The following PLEKHA6 variants were observed in gnomAD, a reference collection of about 807,000 sequenced individuals.
PLEKHA6 encodes the protein pleckstrin homology domain-containing family A member 6.
A neutral mutation model predicts 116.7 loss-of-function variants in PLEKHA6; 60 were observed. The ratio of observed to expected loss-of-function variants is 0.51; its 90% CI spans 0.42 to 0.64. The LOEUF is 0.64. PLEKHA6 is among the 30% of genes least tolerant of loss of function. The pLI is 0.00. For synonymous variants in PLEKHA6, 489 were observed against 556.1 expected (o/e 0.88, Z 1.70); for missense variants, 1,338 against 1,422.7 (o/e 0.94, Z 0.96).
intron 1 of PLEKHA6, among the ~76,000 whole-genome samples, chr1:204,340,723 G>A (rs2103312780): frequency 6.6e-6 from 1 of 152,314 alleles, no homozygotes; most frequent in Non-Finnish European, 1.5e-5. Flanking sequence ...GCCTGTGGGA[G>A]TCTATAGAGA....
Position 204,229,931 on chromosome 1 carries a change from C to A in PLEKHA6, c.2583+482G>T, listed in dbSNP as rs71631801. Among the ~76,000 whole-genome samples, 641 of 152,260 alleles carry A rather than the reference C, an allele frequency of 4.2e-3. 7 individuals are homozygous for A. Among genetic ancestry groups the A allele is most frequent in the Non-Finnish European group, 7.5e-3 (512 of 68,026 alleles). On this transcript the variant is annotated intron_variant, in intron 18 of 22. Coordinates refer to ENST00000272203, the MANE Select transcript of PLEKHA6 (RefSeq NM_014935.5). ...TCTCTTGACTTTGTTTCCCCATCTG[C>A]AAAATAGGGATAATAATTCCTAACC...
intron 17 of PLEKHA6, among the ~76,000 whole-genome samples, chr1:204,235,833 C>T (rs979907953): frequency 1.3e-5 from 2 of 152,200 alleles, no homozygotes; most frequent in Admixed American, 6.5e-5. Flanking sequence ...ATGCTGCCAT[C>T]AGCCTTTCCA....
chr1:204,342,528 A>G (rs1473332190), intron 1 of PLEKHA6, among the ~76,000 whole-genome samples: 1 of 152,242 alleles, frequency 6.6e-6, no homozygotes, highest in African/African-American at 2.4e-5. Context: ...TTTAATGTGC[A>G]TATGAATCAC....
chr1:204,283,726 A>G (rs574049418), intron 1 of PLEKHA6, among the ~76,000 whole-genome samples: 1 of 152,306 alleles, frequency 6.6e-6, no homozygotes, highest in South Asian at 2.1e-4. Context: ...GAACACAGTA[A>G]TGAAAGCCAC....
intron 1 of PLEKHA6, among the ~76,000 whole-genome samples, chr1:204,331,338 G>A (rs1323646384): frequency 6.6e-6 from 1 of 152,186 alleles, no homozygotes; most frequent in Admixed American, 6.5e-5. Flanking sequence ...GGAGGCAGAA[G>A]GCGTGGGAAG....
Position 204,228,695 on chromosome 1 carries a change from C to T in PLEKHA6, c.2885+33G>A. 6.2e-7 allele frequency: 1 copy of T among 1,610,224 alleles called. No individual in the cohort carries two copies. The highest frequency in any genetic ancestry group is 8.5e-7 in the Non-Finnish European group (1 of 1,176,630). On this transcript the variant is annotated intron_variant, in intron 20 of 22. Coordinates refer to ENST00000272203, the MANE Select transcript of PLEKHA6 (RefSeq NM_014935.5). This position sits in a 1 kb window ranked among gnomAD's most constrained non-coding sequence, Gnocchi z 4.0. ...CAGGTGTCCTAGGTGCCAGGGTGAG[C>T]AGAGGAAGTAGAGGCTCACCCAGGC...
chr1:204,246,369 A>G (rs1663680043), intron 13 of PLEKHA6, among the ~76,000 whole-genome samples: 1 of 152,184 alleles, frequency 6.6e-6, no homozygotes, highest in African/African-American at 2.4e-5. Context: ...CATGACCATC[A>G]TCTCAATATG....
chr1:204,229,512 C>CG (rs1465359126), intron 18 of PLEKHA6, among the ~76,000 whole-genome samples: 1 of 152,206 alleles, frequency 6.6e-6, no homozygotes, highest in Non-Finnish European at 1.5e-5. Flanking sequence ...CTCCTGGCCT[C>CG]GAGTCCTCCC....
At position 204,241,725 on chromosome 1, in the gene PLEKHA6, C is replaced by G; in HGVS notation, c.2262G>C (p.Arg754Ser). The G allele has an allele frequency of 6.2e-7, 1 of 1,610,696 alleles. No homozygotes were observed. The highest frequency in any genetic ancestry group is 1.3e-5 in the African/African-American group (1 of 74,820). ...CCTGCTTCTCTGCCTCTACCTCTTG[C>G]CTGGTGGGCACAAGGCTGATGTCTC... is the stretch of plus-strand genomic sequence containing the variant. ...TPRDISLVPT[R>S]QEVEAEKQAA... is the part of the protein sequence containing the mutation. Residue 754 changes from arginine to serine, a missense_variant, in exon 16 of 23, where the codon AGG becomes AGC. By Grantham distance (110) the Arg-to-Ser change is moderately radical. Coordinates refer to ENST00000272203, the MANE Select transcript of PLEKHA6 (RefSeq NM_014935.5).
intron 18 of PLEKHA6, 111 bp from the exon 19 acceptor site, chr1:204,229,215 C>A (rs1660819296): frequency 1.0e-6 from 1 of 980,306 alleles, no homozygotes; most frequent in Non-Finnish European, 1.5e-6. Context: ...TAGCTGCCAC[C>A]CCACTGCTCC....
At chr1:204,264,529 C>T (rs1377517368) in intron 6 of PLEKHA6, among the ~76,000 whole-genome samples, 2 of 151,982 alleles carry the variant, frequency 1.3e-5, no homozygotes, top group Admixed American at 6.6e-5. Context: ...GAAGCCTTTC[C>T]AGAAAAGGTC....
intron 3 of PLEKHA6, among the ~76,000 whole-genome samples, 184 bp downstream of exon 3, chr1:204,273,442 G>A (rs1020540823): frequency 7.2e-5 from 11 of 152,158 alleles, no homozygotes; most frequent in South Asian, 4.1e-4. Context: ...GGTCTTCTAC[G>A]AGGTTCTGAT....
chr1:204,248,553 T>A, intron 12 of PLEKHA6, among the ~76,000 whole-genome samples: 1 of 152,166 alleles, frequency 6.6e-6, no homozygotes, highest in Non-Finnish European at 1.5e-5. Context: ...AACTCACAAC[T>A]TCATGCTGTC....
intron 9 of PLEKHA6, chr1:204,251,394 G>A: frequency 1.7e-6 from 1 of 577,438 alleles, no homozygotes; most frequent in Non-Finnish European, 3.1e-6. Flanking sequence ...ATTAAGGAAG[G>A]AAGACCAGGC....
intron 1 of PLEKHA6, chr1:204,282,687 C>G: frequency 1.0e-6 from 1 of 985,388 alleles, no homozygotes; most frequent in Non-Finnish European, 1.2e-6. Context: ...ATTCTACCAC[C>G]CAGAAGCTGC....
At chr1:204,347,371 T>C (rs1572215508) in intron 1 of PLEKHA6, 1 of 611,136 alleles carries the variant, frequency 1.6e-6, no homozygotes, top group Non-Finnish European at 2.9e-6. Context: ...GAGTTTAAGG[T>C]GATCTCTCTT....
chr1:204,256,443 T>C (rs529240259), intron 9 of PLEKHA6, among the ~76,000 whole-genome samples: 23 of 152,274 alleles, frequency 1.5e-4, no homozygotes, highest in African/African-American at 5.5e-4. Context: ...ATAACTATGC[T>C]TCAGGGGAAA....
At chr1:204,349,309 C>T (rs542586390) in intron 1 of PLEKHA6, among the ~76,000 whole-genome samples, 4 of 152,188 alleles carry the variant, frequency 2.6e-5, no homozygotes, top group South Asian at 4.2e-4. Context: ...GAGGCCGAGG[C>T]GGGCGGATCA....
At chr1:204,374,785 T>C (rs989783948) in intron 1 of PLEKHA6, among the ~76,000 whole-genome samples, 3 of 152,090 alleles carry the variant, frequency 2.0e-5, no homozygotes, top group African/African-American at 7.2e-5. Flanking sequence ...GCACTCCTCA[T>C]TCCTGACCAA....
Sources: allele counts gnomAD v4.1 joint callset (sites outside exome capture counted in the v4.1 genomes callset), GRCh38; gene constraint gnomAD v4.1.1; non-coding constraint Gnocchi (gnomAD v3.1); transcripts MANE v1.5; gene names NCBI Gene and HGNC (gene_info 2026-07-23, HGNC 2026-07-21).